DLGAP1: variants seen among roughly 807,000 people sequenced by gnomAD.
DLGAP1 encodes disks large-associated protein 1.
DLGAP1 carries 11 observed loss-of-function variants against 90.8 expected under a neutral mutation model. The ratio of observed to expected loss-of-function variants is 0.12; its 90% confidence interval spans 0.08 to 0.20. The LOEUF (loss-of-function observed/expected upper bound fraction) is 0.20. Among genes scored for constraint, DLGAP1 ranks in the 10% least tolerant of loss-of-function variants. The pLI, the probability that DLGAP1 is intolerant of heterozygous loss-of-function variation, is 1.00. For missense variants in DLGAP1, 1,050 were observed against 1,333.8 expected, an observed-to-expected ratio of 0.79 and a Z score of 3.31; for synonymous variants, 558 against 540.7, an observed-to-expected ratio of 1.03 and a Z score of -0.44.
chr18:4,101,657 T>C (rs1439239653), intron 2 of DLGAP1, among the ~76,000 whole-genome samples: 1 of 122,802 alleles, frequency 8.1e-6, no homozygotes, highest in Non-Finnish European at 1.7e-5. Context: ...ACCTGTGTAC[T>C]GCAGTCTTGC....
chr18:4,409,185 G>A (rs1327249475), intron 1 of DLGAP1, among the ~76,000 whole-genome samples: 1 of 151,942 alleles, frequency 6.6e-6, no homozygotes. Flanking sequence ...GGCAAGAAAA[G>A]GTGGTTACTG....
intron 3 of DLGAP1, among the ~76,000 whole-genome samples, chr18:3,927,010 A>C (rs1480436206): frequency 1.3e-5 from 2 of 152,236 alleles, no homozygotes; most frequent in African/African-American, 4.8e-5. Context: ...AAATTAAAAA[A>C]ATTTAAGCAG....
At chr18:4,232,789 A>T (rs570862254) in intron 1 of DLGAP1, among the ~76,000 whole-genome samples, 101 of 152,292 alleles carry the variant, frequency 6.6e-4, no homozygotes, top group African/African-American at 2.4e-3. Flanking sequence ...TCACCGCATG[A>T]AAGCTAGCTT....
chr18:4,128,585 C>T (rs189554091), intron 2 of DLGAP1, among the ~76,000 whole-genome samples: 81 of 152,264 alleles, frequency 5.3e-4, no homozygotes, highest in African/African-American at 1.9e-3. Flanking sequence ...CCCCAGTACA[C>T]AGGAAGGCAT....
chr18:3,566,391 A>C (rs1039445017), intron 9 of DLGAP1, among the ~76,000 whole-genome samples: 2 of 151,060 alleles, frequency 1.3e-5, no homozygotes, highest in African/African-American at 4.9e-5. Flanking sequence ...CACACACACT[A>C]TATATATATA....
chr18:3,901,793 T>C (rs1568289717), intron 3 of DLGAP1, among the ~76,000 whole-genome samples: 1 of 152,158 alleles, frequency 6.6e-6, no homozygotes, highest in South Asian at 2.1e-4. Context: ...TCCATACATA[T>C]GGAGTGGCAA....
chr18:3,507,539 A>G (rs2050305557), intron 11 of DLGAP1, among the ~76,000 whole-genome samples: 1 of 152,072 alleles, frequency 6.6e-6, no homozygotes, highest in East Asian at 1.9e-4. Context: ...AACAAAAACA[A>G]AAACAAACCC....
intron 2 of DLGAP1, among the ~76,000 whole-genome samples, chr18:4,139,091 T>C (rs370335919): frequency 2.6e-5 from 4 of 151,968 alleles, no homozygotes; most frequent in Admixed American, 1.3e-4. Context: ...CAACTTTCCT[T>C]TCATTGGTAT....
intron 10 of DLGAP1, among the ~76,000 whole-genome samples, chr18:3,520,820 C>G (rs950059566): frequency 1.3e-5 from 2 of 152,214 alleles, no homozygotes; most frequent in African/African-American, 4.8e-5. Context: ...TGCCTTCGCT[C>G]TCGTATTTCT....
At chr18:4,125,183 T>G (rs2076213658) in intron 2 of DLGAP1, among the ~76,000 whole-genome samples, 1 of 151,850 alleles carries the variant, frequency 6.6e-6, no homozygotes, top group Non-Finnish European at 1.5e-5. Flanking sequence ...CACAGATGAG[T>G]GAAGAGGGGT....
intron 1 of DLGAP1, among the ~76,000 whole-genome samples, chr18:4,434,398 T>A (rs2083355256): frequency 6.6e-6 from 1 of 152,168 alleles, no homozygotes; most frequent in Admixed American, 6.5e-5. Flanking sequence ...ATTTTTTAGG[T>A]TCTGCACCTG....
At chr18:4,273,256 G>C (rs2145370189) in intron 1 of DLGAP1, among the ~76,000 whole-genome samples, 1 of 152,230 alleles carries the variant, frequency 6.6e-6, no homozygotes, top group South Asian at 2.1e-4. Flanking sequence ...TTGAGAAATA[G>C]CCTGATCTCT....
At chr18:4,336,509 G>A (rs2081070032) in intron 1 of DLGAP1, among the ~76,000 whole-genome samples, 1 of 152,134 alleles carries the variant, frequency 6.6e-6, no homozygotes, top group Non-Finnish European at 1.5e-5. Context: ...GCTACTTCTA[G>A]GCCAGGATGA....
At chr18:4,144,438 C>T (rs1337943503) in intron 2 of DLGAP1, among the ~76,000 whole-genome samples, 1 of 152,182 alleles carries the variant, frequency 6.6e-6, no homozygotes, top group Non-Finnish European at 1.5e-5. Context: ...TTCTCCCTCC[C>T]CCCAGGCACA....
In DLGAP1 at chr18:3,742,949, TCTTCCTTCCTTC is replaced by T. The variant is rs143048862; in HGVS notation, c.1173-449_1173-438del. Among the ~76,000 whole-genome samples, 722 of 142,758 alleles carry T rather than the reference TCTTCCTTCCTTC, an allele frequency of 5.1e-3. 2 individuals carry two copies. Among genetic ancestry groups the T allele is most frequent in the Non-Finnish European group, 7.1e-3 (465 of 65,556 alleles). The allele number at this position is 142,758 out of a possible 152,430, so 93.7% of individuals were successfully genotyped here. ...ATCTATATTTTTATCTATCAATTTA[TCTTCCTTCCTTC>T]CTTCCTTCCTTCCTTCCTTCCTTCC... On this transcript the variant is annotated intron_variant, in intron 5 of 12. Transcript: ENST00000315677.
In DLGAP1 at chr18:4,171,542, A is replaced by G. The variant is rs563201610; in HGVS notation, c.-266-20255T>C. Among the ~76,000 whole-genome samples, 363 of 151,346 alleles carry G rather than the reference A, an allele frequency of 2.4e-3. 2 individuals are homozygous for G. The highest frequency in any genetic ancestry group is 7.7e-3 in the African/African-American group (316 of 41,282). ...ATCGCACCACTGCACTCCAGCCTGG[A>G]AGACAGAGCGAGACTCCATCTCAAA... On this transcript the variant is annotated intron_variant, in intron 1 of 12. Coordinates refer to ENST00000315677, the MANE Select transcript of DLGAP1 (RefSeq NM_004746.4).
At chr18:4,258,960 C>T (rs1670420082) in intron 1 of DLGAP1, among the ~76,000 whole-genome samples, 1 of 152,132 alleles carries the variant, frequency 6.6e-6, no homozygotes. Flanking sequence ...CCTTATAGAT[C>T]AGTTAGGAAT....
chr18:4,238,626 T>C (rs1049082648), intron 1 of DLGAP1, among the ~76,000 whole-genome samples: 4 of 152,208 alleles, frequency 2.6e-5, no homozygotes, highest in Admixed American at 2.6e-4. Context: ...AGAAGTTTTA[T>C]TCAGTAAATA....
intron 8 of DLGAP1, among the ~76,000 whole-genome samples, chr18:3,568,962 A>G (rs764291233): frequency 1.8e-4 from 27 of 151,456 alleles, no homozygotes; most frequent in Non-Finnish European, 3.7e-4. Context: ...CTGGGATTAC[A>G]GCCATGAGCC....
Sources: allele counts gnomAD v4.1 joint callset (sites outside exome capture counted in the v4.1 genomes callset), GRCh38; gene constraint gnomAD v4.1.1; transcripts MANE v1.5; gene names NCBI Gene and HGNC (gene_info 2026-07-23, HGNC 2026-07-21).